The following CAMK4 variants were observed in gnomAD, a reference collection of about 807,000 sequenced individuals.
The protein encoded by CAMK4 is calcium/calmodulin-dependent protein kinase type IV.
CAMK4 carries 22 observed loss-of-function variants against 44.9 expected under a neutral mutation model. The ratio of observed to expected loss-of-function variants is 0.49; its 90% confidence interval spans 0.35 to 0.70. The LOEUF (loss-of-function observed/expected upper bound fraction) is 0.70, where lower values mean the gene tolerates loss of function less well. Ranked by LOEUF, CAMK4 falls within the 30% of genes least tolerant of loss-of-function variation. CAMK4 has a pLI of 0.01. For missense variants in CAMK4, 498 were observed against 586.8 expected (o/e 0.85, Z 1.56); for synonymous variants, 218 against 215.4 (o/e 1.01, Z -0.11).
intron 1 of CAMK4, among the ~76,000 whole-genome samples, chr5:111,338,187 A>C (rs145172887): frequency 0.013 from 1,995 of 151,312 alleles, 41 homozygotes; most frequent in African/African-American, 0.045. Context: ...TGACTAAATC[A>C]AGCTAAATAA....
At chr5:111,259,570 G>GCACCCTGC (rs1749891730) in intron 1 of CAMK4, among the ~76,000 whole-genome samples, 1 of 152,154 alleles carries the variant, frequency 6.6e-6, no homozygotes, top group African/African-American at 2.4e-5. Context: ...TATATATGCA[G>GCACCCTGC]CACCCTGAAT....
chr5:111,446,394 G>A (rs1019972477), intron 5 of CAMK4, among the ~76,000 whole-genome samples: 2 of 152,158 alleles, frequency 1.3e-5, no homozygotes, highest in Non-Finnish European at 2.9e-5. Context: ...AATTCCAGTT[G>A]ATATAGTAAT....
chr5:111,352,842 GA>G (rs1178174146), intron 2 of CAMK4, among the ~76,000 whole-genome samples: 1 of 151,954 alleles, frequency 6.6e-6, no homozygotes, highest in African/African-American at 2.4e-5. Flanking sequence ...CAGCATTGAG[GA>G]TCAAATTTCC....
chr5:111,454,388 TG>T lies in CAMK4; in HGVS notation c.625+5186del, dbSNP rs1282502314. Among the ~76,000 whole-genome samples, 3 of 152,308 alleles carry T rather than the reference TG, an allele frequency of 2.0e-5. No homozygotes were observed. In the East Asian group the frequency reaches 5.8e-4, roughly 29 times the overall value. Reference sequence around the variant, plus strand: ...CATTCTGTCTCTTTCATAGAACCCTTGCCCCAGGCTATTAATAAACAGGGCT... The same window carrying T: ...CATTCTGTCTCTTTCATAGAACCCTTCCCCAGGCTATTAATAAACAGGGCT... On this transcript the variant is annotated intron_variant, in intron 7 of 10. Coordinates refer to ENST00000282356, the MANE Select transcript of CAMK4 (RefSeq NM_001744.6).
At chr5:111,246,231 CACCT>C (rs1749233542) in intron 1 of CAMK4, among the ~76,000 whole-genome samples, 1 of 152,172 alleles carries the variant, frequency 6.6e-6, no homozygotes, top group Non-Finnish European at 1.5e-5. Context: ...AGCTTGTGCT[CACCT>C]ATTCATTTAA....
chr5:111,264,458 G>A (rs1750139126), intron 1 of CAMK4, among the ~76,000 whole-genome samples: 1 of 152,206 alleles, frequency 6.6e-6, no homozygotes, highest in African/African-American at 2.4e-5. Flanking sequence ...TTGAATGCAT[G>A]AAGGGTATGT....
At chr5:111,269,091 A>C (rs1330559457) in intron 1 of CAMK4, among the ~76,000 whole-genome samples, 1 of 152,240 alleles carries the variant, frequency 6.6e-6, no homozygotes, top group Non-Finnish European at 1.5e-5. Flanking sequence ...ACCAATAATG[A>C]TAACTTGGAA....
chr5:111,466,907 A>G (rs777442194), intron 7 of CAMK4, among the ~76,000 whole-genome samples: 6 of 152,206 alleles, frequency 3.9e-5, no homozygotes, highest in Non-Finnish European at 7.4e-5. Flanking sequence ...AGCAAAAAGA[A>G]CAAATCTGGA....
intron 5 of CAMK4, among the ~76,000 whole-genome samples, chr5:111,423,839 A>G (rs10052530): frequency 0.34 from 52,136 of 152,094 alleles, 9,911 homozygotes; most frequent in Middle Eastern, 0.49. Flanking sequence ...CCCATGACTT[A>G]TTAAGCACCT....
At chr5:111,465,271 A>G (rs928125164) in intron 7 of CAMK4, among the ~76,000 whole-genome samples, 2 of 151,998 alleles carry the variant, frequency 1.3e-5, no homozygotes, top group African/African-American at 2.4e-5. Context: ...CAAATAGACA[A>G]TCTAAGGTCA....
rs34360413 is a variant in CAMK4, at chr5:111,434,291, C to CAA, written c.460-12379_460-12378dup. Among the ~76,000 whole-genome samples the CAA allele has an allele frequency of 6.6e-3, 871 of 131,960 alleles. 11 individuals are homozygous for CAA. The highest frequency in any genetic ancestry group is 0.022 in the African/African-American group (766 of 35,496). 86.6% of individuals were successfully genotyped at this position (131,960 alleles called of 152,430 possible). On this transcript the variant is annotated intron_variant, in intron 5 of 10. Coordinates refer to ENST00000282356, the MANE Select transcript of CAMK4 (RefSeq NM_001744.6). ...CTGGCTACATAACGAGACTCTGTCT[C>CAA]AAAAAAAAAAAAAAAAATAGAGCCA...
intron 2 of CAMK4, among the ~76,000 whole-genome samples, chr5:111,348,999 T>C (rs1749982687): frequency 6.6e-6 from 1 of 152,032 alleles, no homozygotes; most frequent in Non-Finnish European, 1.5e-5. Context: ...CCTGTAACAA[T>C]ATCCATTTGT....
intron 5 of CAMK4, 114 bp from the exon 6 acceptor site, chr5:111,446,572 C>T (rs982901097): frequency 1.3e-5 from 8 of 610,104 alleles, no homozygotes; most frequent in Non-Finnish European, 2.0e-5. Flanking sequence ...ATTGTTAAGT[C>T]ATACTATGTG....
intron 5 of CAMK4, among the ~76,000 whole-genome samples, chr5:111,407,637 T>C (rs1752484373): frequency 6.6e-6 from 1 of 152,188 alleles, no homozygotes; most frequent in South Asian, 2.1e-4. Context: ...AACAACACTT[T>C]ACCCTAATTG....
chr5:111,414,721 A>G (rs1047208830), intron 5 of CAMK4, among the ~76,000 whole-genome samples: 10 of 152,220 alleles, frequency 6.6e-5, no homozygotes, highest in Non-Finnish European at 1.5e-4. Flanking sequence ...TTTAGCCTAT[A>G]TAACAGGAAA....
In CAMK4 at chr5:111,357,975, G is replaced by A. The variant is rs1277693388; in HGVS notation, c.240+13873G>A. On this transcript the variant is annotated intron_variant, in intron 2 of 10. Coordinates refer to ENST00000282356, the MANE Select transcript of CAMK4 (RefSeq NM_001744.6). Reference sequence around the variant, plus strand: ...GGGCATTTTTTATAGATGCCATGAAGGCCCTGATAGAGACAAAGGCAAAAA... The same window carrying A: ...GGGCATTTTTTATAGATGCCATGAAAGCCCTGATAGAGACAAAGGCAAAAA... 2.6e-5 allele frequency: 4 copies of A among 152,100 alleles called. No individual in the cohort carries two copies. The East Asian group carries it at 7.8e-4, about 30-fold the overall frequency. 9.4% of individuals were successfully genotyped at this position (152,100 alleles called of 1,614,324 possible).
At position 111,274,629 on chromosome 5, in the gene CAMK4, C is replaced by G. The variant is rs576074333; in HGVS notation, c.161+49985C>G. On this transcript the variant is annotated intron_variant, in intron 1 of 10. Coordinates refer to ENST00000282356, the MANE Select transcript of CAMK4 (RefSeq NM_001744.6). ...AAAAATTTTTGGATCAATGTGTATG[C>G]ACATTTAAAATTTTAATAGGACAGA... Among the ~76,000 whole-genome samples the G allele has an allele frequency of 5.0e-3, 760 of 152,192 alleles. 9 individuals are homozygous for G. The highest frequency in any genetic ancestry group is 2.8e-3 in the Non-Finnish European group (188 of 67,992).
chr5:111,463,765 C>T (rs57539201), intron 7 of CAMK4, among the ~76,000 whole-genome samples: 1,870 of 152,250 alleles, frequency 0.012, 39 homozygotes, highest in African/African-American at 0.042. Flanking sequence ...GTTTGCCTTT[C>T]GGGAAGCCAC....
intron 7 of CAMK4, among the ~76,000 whole-genome samples, chr5:111,467,949 C>CAA (rs1265691774): frequency 6.6e-6 from 1 of 151,608 alleles, no homozygotes; most frequent in African/African-American, 2.4e-5. Context: ...CACACACACA[C>CAA]ACACACACAC....
Sources: gnomAD v4.1 joint callset for allele counts (sites outside exome capture counted in the v4.1 genomes callset) on GRCh38, gnomAD v4.1.1 for gene constraint, MANE v1.5 for transcripts, NCBI Gene and HGNC (gene_info 2026-07-23, HGNC 2026-07-21) for gene names.